The following NEK1 variants were observed in gnomAD, a reference collection of about 807,000 sequenced individuals.
NEK1 encodes the protein NIMA related kinase 1.
In NEK1, 137 loss-of-function variants were observed where a neutral mutation model predicts 182.1. The observed-to-expected ratio is 0.75, with a 90% CI of 0.65 to 0.87. The LOEUF (loss-of-function observed/expected upper bound fraction) is 0.87. NEK1 is among the 40% of genes least tolerant of loss of function. The probability of loss-of-function intolerance (pLI) is 0.00; values close to 1 mark genes in which losing one functional copy is unlikely to be tolerated. For missense variants in NEK1, 1,391 were observed against 1,494.4 expected, an observed-to-expected ratio of 0.93 and a Z score of 1.14; for synonymous variants, 513 against 492.2, an observed-to-expected ratio of 1.04 and a Z score of -0.56.
chr4:169,467,528 G>A (rs924955627), intron 26 of NEK1, among the ~76,000 whole-genome samples: 6 of 151,900 alleles, frequency 3.9e-5, no homozygotes, highest in Non-Finnish European at 8.8e-5. Context: ...CCCAAATAAT[G>A]CAAAACAGGA....
intron 18 of NEK1, among the ~76,000 whole-genome samples, chr4:169,548,631 T>C (rs533686860): frequency 6.6e-6 from 1 of 152,342 alleles, no homozygotes; most frequent in Non-Finnish European, 1.5e-5. Context: ...AGACCCTGAC[T>C]GGGGCTACTG....
At position 169,415,946 on chromosome 4, in the gene NEK1, G is replaced by A. The variant is rs191022267; in HGVS notation, c.3222+8607C>T. On this transcript the variant is annotated intron_variant, in intron 31 of 35. Coordinates refer to ENST00000507142, the MANE Select transcript of NEK1 (RefSeq NM_001199397.3). ...AGGAACTGCTTGTGAGGTGGAGGGC[G>A]GGGTAGGAGCAAGAGGACAAGGGAG... 5.3e-5 allele frequency among the ~76,000 whole-genome samples: 8 copies of A among 152,248 alleles called. 1 individual carries two copies. Among genetic ancestry groups the A allele is most frequent in the East Asian group, 1.9e-4 (1 of 5,186 alleles).
chr4:169,574,275 C>T (rs1468790951), intron 12 of NEK1, among the ~76,000 whole-genome samples: 1 of 152,036 alleles, frequency 6.6e-6, no homozygotes, highest in East Asian at 1.9e-4. Context: ...GAAGGAGTGA[C>T]AGTGAGTCAG....
At chr4:169,470,152 G>A (rs1304901756) in intron 26 of NEK1, among the ~76,000 whole-genome samples, 1 of 152,102 alleles carries the variant, frequency 6.6e-6, no homozygotes, top group East Asian at 1.9e-4. Context: ...TGATATGTGT[G>A]AATTTGATCC....
Position 169,477,258 on chromosome 4 carries a change from T to C in NEK1, c.2300A>G (p.Asn767Ser), listed in dbSNP as rs772605277. The change falls in exon 26 of 36, where the codon AAT becomes AGT. Residue 767 changes from asparagine to serine, a missense_variant. Coordinates refer to ENST00000507142, the MANE Select transcript of NEK1 (RefSeq NM_001199397.3). ...ATGCTCTTTGGCATCTTCATGAACATTTATCTCAAAAGTATCAGAGAGATT... is the reference window on the plus strand; with the variant it reads ...ATGCTCTTTGGCATCTTCATGAACACTTATCTCAAAAGTATCAGAGAGATT... Reference protein sequence around the residue: ...KQNLSDTFEINVHEDAKEHEK... With the variant: ...KQNLSDTFEISVHEDAKEHEK... 1.4e-5 allele frequency: 22 copies of C among 1,599,672 alleles called. No individual in the cohort carries two copies. The highest frequency in any genetic ancestry group is 1.8e-5 in the Non-Finnish European group (21 of 1,171,596).
chr4:169,566,799 A>C (rs1440537681), intron 12 of NEK1, among the ~76,000 whole-genome samples: 2 of 152,260 alleles, frequency 1.3e-5, no homozygotes, highest in South Asian at 2.1e-4. Context: ...TAAAAAAATG[A>C]GATAAAAAAA....
chr4:169,477,050 T>C (rs1747079495), intron 26 of NEK1, 74 bp downstream of exon 26: 1 of 990,762 alleles, frequency 1.0e-6, no homozygotes, highest in Non-Finnish European at 1.4e-6. Context: ...TGTTCATTTT[T>C]TTCAGAGTGG....
At chr4:169,571,513 A>C (rs946754529) in intron 12 of NEK1, among the ~76,000 whole-genome samples, 9 of 152,210 alleles carry the variant, frequency 5.9e-5, no homozygotes, top group Admixed American at 5.9e-4. Flanking sequence ...ATATAGTGTG[A>C]TCAAGAAAGG....
intron 23 of NEK1, among the ~76,000 whole-genome samples, chr4:169,495,664 T>C (rs1409227256): frequency 2.0e-5 from 3 of 152,248 alleles, no homozygotes; most frequent in Non-Finnish European, 4.4e-5. Context: ...TAGGGAATCC[T>C]TTCCTCATTT....
At position 169,403,718 on chromosome 4, in the gene NEK1, T is replaced by C. The variant is rs573755989; in HGVS notation, c.3375-1858A>G. On this transcript the variant is annotated intron_variant, in intron 32 of 35. Transcript: ENST00000507142. ...AGTACCCTCTGCAGATGGTATTCAATTGAGGCAGCTAAGCTTGCCACTGTA... is the reference window on the plus strand; with the variant it reads ...AGTACCCTCTGCAGATGGTATTCAACTGAGGCAGCTAAGCTTGCCACTGTA... 2.6e-5 allele frequency among the ~76,000 whole-genome samples: 4 copies of C among 152,308 alleles called. No individual in the cohort carries two copies. The South Asian group carries it at 6.2e-4, about 24-fold the overall frequency.
At chr4:169,579,040 G>A (rs1766169779) in intron 11 of NEK1, among the ~76,000 whole-genome samples, 2 of 152,140 alleles carry the variant, frequency 1.3e-5, no homozygotes, top group Non-Finnish European at 2.9e-5. Context: ...AGGGGCTAGA[G>A]GCGCAAAAGC....
chr4:169,482,292 T>C (rs1483487611), intron 23 of NEK1, among the ~76,000 whole-genome samples: 2 of 152,112 alleles, frequency 1.3e-5, no homozygotes, highest in East Asian at 3.8e-4. Flanking sequence ...TTTCTTTCTT[T>C]CTTTTTTTTC....
chr4:169,561,809 G>C, intron 14 of NEK1, 23 bp downstream of exon 14: 1 of 1,606,950 alleles, frequency 6.2e-7, no homozygotes, highest in Non-Finnish European at 8.5e-7. Context: ...GCCAAAGGTA[G>C]AAAAACAAGA....
chr4:169,488,872 G>C (rs905144863), intron 23 of NEK1, among the ~76,000 whole-genome samples: 1 of 151,016 alleles, frequency 6.6e-6, no homozygotes, highest in East Asian at 1.9e-4. Context: ...ATTTTTTTTT[G>C]TATATTAAGC....
chr4:169,533,946 TG>T (rs1214185578), intron 19 of NEK1, among the ~76,000 whole-genome samples: 1 of 152,136 alleles, frequency 6.6e-6, no homozygotes, highest in African/African-American at 2.4e-5. Flanking sequence ...AATATTCAAG[TG>T]AAGTTCAGAA....
chr4:169,415,913 C>T (rs1333839179), intron 31 of NEK1, among the ~76,000 whole-genome samples: 3 of 152,240 alleles, frequency 2.0e-5, no homozygotes, highest in Non-Finnish European at 2.9e-5. Context: ...GCTCTAAACA[C>T]GTGGCTAAGG....
rs1161092125 is a variant in NEK1, at chr4:169,424,694, G to T, written c.3081C>A (p.Val1027=). 1.2e-6 allele frequency: 2 copies of T among 1,613,716 alleles called. No individual in the cohort carries two copies. Among genetic ancestry groups the T allele is most frequent in the Non-Finnish European group, 1.7e-6 (2 of 1,179,834 alleles). Residue 1027 remains valine (V), a synonymous_variant, in exon 31 of 36, where the codon GTC becomes GTA. Transcript: ENST00000507142. ...AACACTGAACTGATTGAACTTGAGG[G>T]ACTAAGTTCAAGTGTTCAGAATGAA... is the stretch of plus-strand genomic sequence containing the variant. ...KVVHSEHLNL[V]PQVQSVQCSP... is the part of the protein sequence containing the mutation.
At chr4:169,503,025 A>G (rs932609560) in intron 23 of NEK1, among the ~76,000 whole-genome samples, 6 of 152,188 alleles carry the variant, frequency 3.9e-5, no homozygotes, top group South Asian at 2.1e-4. Context: ...TGACTTCAGT[A>G]AAGTTTCAGG....
chr4:169,547,872 A>T (rs1304246069), intron 18 of NEK1, among the ~76,000 whole-genome samples: 1 of 152,138 alleles, frequency 6.6e-6, no homozygotes, highest in South Asian at 2.1e-4. Flanking sequence ...CAATTTGTCT[A>T]ACCTTTTCTC....
Sources: gnomAD v4.1 joint callset for allele counts (sites outside exome capture counted in the v4.1 genomes callset) on GRCh38, gnomAD v4.1.1 for gene constraint, MANE v1.5 for transcripts, NCBI Gene and HGNC (gene_info 2026-07-23, HGNC 2026-07-21) for gene names.